The following DOCK8 variants were observed in gnomAD, a reference collection of about 807,000 sequenced individuals.
The protein encoded by DOCK8 is dedicator of cytokinesis protein 8.
In DOCK8, 141 loss-of-function variants were observed where a neutral mutation model predicts 245.6. The observed-to-expected ratio is 0.57, with a 90% CI of 0.50 to 0.66. The LOEUF (loss-of-function observed/expected upper bound fraction) is 0.66. DOCK8 is among the 30% of genes least tolerant of loss of function. The pLI, the probability that DOCK8 is intolerant of heterozygous loss-of-function variation, is 0.00. For synonymous variants in DOCK8, 1,168 were observed against 970.2 expected (o/e 1.20, Z -3.79); for missense variants, 2,965 against 2,603.4 (o/e 1.14, Z -3.02).
At chr9:311,353 TCCTA>T (rs373025014) in intron 5 of DOCK8, among the ~76,000 whole-genome samples, 1 of 150,278 alleles carries the variant, frequency 6.7e-6, no homozygotes, top group African/African-American at 2.4e-5. Flanking sequence ...CAAGCAGTCT[TCCTA>T]CCTAAACCTC....
chr9:259,986 C>T (rs1209446008), intron 1 of DOCK8, among the ~76,000 whole-genome samples: 2 of 152,180 alleles, frequency 1.3e-5, no homozygotes, highest in Non-Finnish European at 2.9e-5. Flanking sequence ...GTTCCCAGAC[C>T]ACAGATTATA....
At chr9:453,346 A>C (rs1420618790) in intron 46 of DOCK8, among the ~76,000 whole-genome samples, 1 of 151,552 alleles carries the variant, frequency 6.6e-6, no homozygotes, top group Non-Finnish European at 1.5e-5. Flanking sequence ...TTCTGACAGA[A>C]AAACTAGTTG....
chr9:317,542 A>G (rs558947173), intron 7 of DOCK8, among the ~76,000 whole-genome samples: 23 of 152,312 alleles, frequency 1.5e-4, no homozygotes, highest in South Asian at 6.2e-4. Flanking sequence ...AGTATTTACA[A>G]TGTAGAAATC....
At chr9:415,691 T>TGCACACACGCACACACGCACAC (rs1564036185) in intron 29 of DOCK8, among the ~76,000 whole-genome samples, 1 of 96,606 alleles carries the variant, frequency 1.0e-5, no homozygotes, top group African/African-American at 4.7e-5. Flanking sequence ...TGTGCGCGCG[T>TGCACACACGCACACACGCACAC]GCACACACAC....
At chr9:387,333 C>T (rs2053997708) in intron 23 of DOCK8, among the ~76,000 whole-genome samples, 1 of 151,728 alleles carries the variant, frequency 6.6e-6, no homozygotes, top group African/African-American at 2.4e-5. Context: ...ATCTCAGCTA[C>T]TCAGGAGGCT....
chr9:217,826 A>T (rs10964703), intron 1 of DOCK8, among the ~76,000 whole-genome samples: 1 of 152,100 alleles, frequency 6.6e-6, no homozygotes, highest in African/African-American at 2.4e-5. Context: ...AATCTTGGAG[A>T]TACAGCTGCA....
At chr9:328,946 T>C (rs914308309) in intron 9 of DOCK8, among the ~76,000 whole-genome samples, 3 of 137,444 alleles carry the variant, frequency 2.2e-5, no homozygotes, top group African/African-American at 8.5e-5. Flanking sequence ...TGATTCTTTT[T>C]TTTTTTTTTT....
intron 3 of DOCK8, among the ~76,000 whole-genome samples, chr9:288,192 T>A (rs1243779357): frequency 6.6e-6 from 1 of 152,150 alleles, no homozygotes; most frequent in Non-Finnish European, 1.5e-5. Context: ...CCTCTACTAT[T>A]TCAGTTGTTG....
chr9:260,322 C>G (rs1207964428), intron 1 of DOCK8, among the ~76,000 whole-genome samples: 3 of 152,136 alleles, frequency 2.0e-5, no homozygotes, highest in African/African-American at 7.2e-5. Flanking sequence ...TACTAGATAG[C>G]AACTTCCTGC....
intron 1 of DOCK8, among the ~76,000 whole-genome samples, chr9:230,918 T>G: frequency 6.6e-6 from 1 of 152,086 alleles, no homozygotes. Flanking sequence ...AGATCCCATT[T>G]GTCAATTGTG....
chr9:280,921 G>A (rs2048552410), intron 2 of DOCK8: 1 of 152,202 alleles, frequency 6.6e-6, no homozygotes, highest in Non-Finnish European at 1.5e-5. Context: ...GCCTGGTTTA[G>A]GAGCATTTGC....
chr9:311,596 G>C (rs2130691643), intron 5 of DOCK8, among the ~76,000 whole-genome samples: 1 of 152,120 alleles, frequency 6.6e-6, no homozygotes, highest in East Asian at 1.9e-4. Flanking sequence ...GTTTTGCTCT[G>C]GTGTGAGACA....
At chr9:263,499 G>T (rs2047968398) in intron 1 of DOCK8, among the ~76,000 whole-genome samples, 3 of 151,804 alleles carry the variant, frequency 2.0e-5, no homozygotes, top group Admixed American at 2.0e-4. Flanking sequence ...TATTTATATT[G>T]CACAGTCACT....
At chr9:353,521 C>T (rs534293870) in intron 14 of DOCK8, among the ~76,000 whole-genome samples, 3 of 152,210 alleles carry the variant, frequency 2.0e-5, no homozygotes, top group South Asian at 4.2e-4. Context: ...AAATTGGAAG[C>T]GTTCTGGTAT....
At chr9:249,602 ATTTTTTAAT>A (rs989047676) in intron 1 of DOCK8, among the ~76,000 whole-genome samples, 8 of 152,010 alleles carry the variant, frequency 5.3e-5, no homozygotes, top group African/African-American at 1.9e-4. Flanking sequence ...CTCTTTTCTT[ATTTTTTAAT>A]TTTTTTAATT....
rs2050101611 is a variant in DOCK8, at chr9:311,310, C to T, written c.529-644C>T. Among the ~76,000 whole-genome samples, 3 of 150,822 alleles carry T rather than the reference C, an allele frequency of 2.0e-5. No individual in the cohort carries two copies. The South Asian group carries it at 6.3e-4, about 32-fold the overall frequency. On this transcript the variant is annotated intron_variant, in intron 5 of 47. Transcript: ENST00000432829. Reference sequence around the variant, plus strand: ...TAAAAAAAAAAAAAAGGTAATCATACCTCACTGCAGCCTTGAACTCCTGGG... The same window carrying T: ...TAAAAAAAAAAAAAAGGTAATCATATCTCACTGCAGCCTTGAACTCCTGGG...
intron 1 of DOCK8, among the ~76,000 whole-genome samples, chr9:219,975 A>G (rs939658523): frequency 1.3e-5 from 2 of 152,226 alleles, no homozygotes; most frequent in Non-Finnish European, 2.9e-5. Context: ...TCTGAGAAGT[A>G]TTTGCTAATT....
intron 30 of DOCK8, 96 bp downstream of exon 30, chr9:418,303 ACT>A (rs1427008017): frequency 5.5e-5 from 84 of 1,535,292 alleles, no homozygotes; most frequent in Non-Finnish European, 7.1e-5. Context: ...ACAGAGTCTC[ACT>A]CTGTTGCACA....
chr9:215,397 A>G, intron 1 of DOCK8: 1 of 1,560,012 alleles, frequency 6.4e-7, no homozygotes, highest in Non-Finnish European at 8.7e-7. Context: ...AGTGTCTCAT[A>G]AACGGCTCCT....
Sources: gnomAD v4.1 joint callset for allele counts (sites outside exome capture counted in the v4.1 genomes callset) on GRCh38, gnomAD v4.1.1 for gene constraint, MANE v1.5 for transcripts, NCBI Gene and HGNC (gene_info 2026-07-23, HGNC 2026-07-21) for gene names.